Variants in BCAS3 observed in about 807,000 individuals in gnomAD.
The protein encoded by BCAS3 is BCAS4/BCAS3 fusion.
Under a neutral mutation model 116.1 loss-of-function variants are expected in BCAS3, and 53 were observed. That is an observed-to-expected ratio of 0.46 (90% CI 0.37 to 0.57). The LOEUF (loss-of-function observed/expected upper bound fraction) is 0.57. Among genes scored for constraint, BCAS3 ranks in the 20% least tolerant of loss-of-function variants. BCAS3 has a pLI of 0.00. For synonymous variants in BCAS3, 391 were observed against 408.2 expected, an observed-to-expected ratio of 0.96 and a Z score of 0.51; for missense variants, 917 against 1,165.4, an observed-to-expected ratio of 0.79 and a Z score of 3.10.
chr17:60,796,267 C>G (rs2047204793), intron 6 of BCAS3, among the ~76,000 whole-genome samples: 1 of 152,160 alleles, frequency 6.6e-6, no homozygotes, highest in South Asian at 2.1e-4. Flanking sequence ...GAGGGTTCCT[C>G]CTTTCTCTAT....
chr17:61,090,723 T>A (rs2073482888), intron 22 of BCAS3, among the ~76,000 whole-genome samples: 2 of 152,154 alleles, frequency 1.3e-5, no homozygotes, highest in African/African-American at 4.8e-5. Flanking sequence ...AGTGGCGTGA[T>A]CTTGGCTCAC....
intron 22 of BCAS3, among the ~76,000 whole-genome samples, chr17:61,283,742 C>T (rs9894641): frequency 0.015 from 2,313 of 152,142 alleles, 64 homozygotes; most frequent in African/African-American, 0.052. Context: ...CGTGAGCCAC[C>T]GCACTTGGCC....
At chr17:61,263,673 A>G (rs2049418800) in intron 22 of BCAS3, among the ~76,000 whole-genome samples, 1 of 152,242 alleles carries the variant, frequency 6.6e-6, no homozygotes, top group Non-Finnish European at 1.5e-5. Flanking sequence ...TTGAAGCAAC[A>G]GACCTATTAT....
At chr17:60,680,134 C>A (rs865955922) in intron 2 of BCAS3, among the ~76,000 whole-genome samples, 736 of 108,260 alleles carry the variant, frequency 6.8e-3, no homozygotes, top group African/African-American at 9.4e-3. Context: ...ACTCTGTCTC[C>A]AAAAAAAAAA....
chr17:61,213,686 A>G lies in BCAS3; in HGVS notation c.2425+129122A>G, dbSNP rs952687231. ...GCATGTTTTTTTAAGTAGTGAAAGA[A>G]GGTTGGAGGAGGACTGTACAGATGG... On this transcript the variant is annotated intron_variant, in intron 22 of 23. Coordinates refer to ENST00000407086, the MANE Select transcript of BCAS3 (RefSeq NM_017679.5). The surrounding 1 kb of genome is among the most constrained non-coding windows in gnomAD (Gnocchi z 5.4). 2.0e-5 allele frequency among the ~76,000 whole-genome samples: 3 copies of G among 152,042 alleles called. No individual in the cohort carries two copies. The highest frequency in any genetic ancestry group is 7.2e-5 in the African/African-American group (3 of 41,382).
At chr17:60,788,686 T>C (rs1225307860) in intron 6 of BCAS3, among the ~76,000 whole-genome samples, 1 of 152,160 alleles carries the variant, frequency 6.6e-6, no homozygotes, top group Non-Finnish European at 1.5e-5. Context: ...TATTTTCCTA[T>C]TTCTCCCTCT....
chr17:61,328,602 C>CA (rs1034418742), intron 22 of BCAS3, among the ~76,000 whole-genome samples: 1 of 152,066 alleles, frequency 6.6e-6, no homozygotes, highest in Non-Finnish European at 1.5e-5. Context: ...TCCGTCTCTA[C>CA]AAAAAATATA....
chr17:60,841,614 T>G (rs2051931407), intron 7 of BCAS3, among the ~76,000 whole-genome samples: 1 of 149,944 alleles, frequency 6.7e-6, no homozygotes, highest in South Asian at 2.1e-4. Flanking sequence ...TCTCCTGACC[T>G]CGTGATCCGC....
chr17:60,959,378 A>C (rs1466801514), intron 14 of BCAS3, among the ~76,000 whole-genome samples: 1 of 152,086 alleles, frequency 6.6e-6, no homozygotes, highest in Non-Finnish European at 1.5e-5. Flanking sequence ...ATTAAAGAAA[A>C]ATTGATAAAC....
At chr17:60,836,583 A>G (rs958487781) in intron 7 of BCAS3, among the ~76,000 whole-genome samples, 3 of 152,182 alleles carry the variant, frequency 2.0e-5, no homozygotes, top group Non-Finnish European at 4.4e-5. Flanking sequence ...AAGGTTTAGT[A>G]AGCAATTATT....
intron 22 of BCAS3, among the ~76,000 whole-genome samples, chr17:61,152,529 T>C (rs984835597): frequency 1.1e-4 from 16 of 152,082 alleles, no homozygotes; most frequent in Non-Finnish European, 1.9e-4. Flanking sequence ...CCTATTTTTC[T>C]AGAAAAGGGT....
At chr17:61,025,782 G>A (rs12051629) in intron 16 of BCAS3, among the ~76,000 whole-genome samples, 15,357 of 151,760 alleles carry the variant, frequency 0.1, 2,323 homozygotes, top group African/African-American at 0.34. Context: ...TATCTCTTGC[G>A]TGTCTCTGTT....
chr17:60,888,556 T>C (rs1313761533), intron 9 of BCAS3, among the ~76,000 whole-genome samples: 1 of 152,212 alleles, frequency 6.6e-6, no homozygotes, highest in Non-Finnish European at 1.5e-5. Flanking sequence ...TAATCTATTG[T>C]GTAAATACTA....
intron 13 of BCAS3, 144 bp from the exon 14 acceptor site, chr17:60,947,075 A>AT (rs993605348): frequency 9.2e-6 from 7 of 763,630 alleles, no homozygotes; most frequent in Non-Finnish European, 1.4e-5. Context: ...AAGATATTTT[A>AT]TTTTTTTCTT....
rs1017049037 is a variant in BCAS3, at chr17:61,279,359, C to T, written c.2426-88968C>T. Among the ~76,000 whole-genome samples, 18 of 151,924 alleles carry T rather than the reference C, an allele frequency of 1.2e-4. No individual in the cohort carries two copies. The highest frequency in any genetic ancestry group is 7.4e-5 in the Non-Finnish European group (5 of 67,990). On this transcript the variant is annotated intron_variant, in intron 22 of 23. Transcript: ENST00000407086. The surrounding 1 kb of genome is among the most constrained non-coding windows in gnomAD (Gnocchi z 4.4). Reference sequence around the variant, plus strand: ...ACACACCTAATAGAACAGAAGCTCTCGCTTCTTTCTTCTCTTTCCATCAGT... The same window carrying T: ...ACACACCTAATAGAACAGAAGCTCTTGCTTCTTTCTTCTCTTTCCATCAGT...
chr17:60,871,612 T>G (rs1376001453), intron 8 of BCAS3, among the ~76,000 whole-genome samples: 11 of 151,590 alleles, frequency 7.3e-5, no homozygotes, highest in African/African-American at 1.2e-4. Context: ...TTTTGTTTTT[T>G]TTTTTTTTGC....
intron 6 of BCAS3, among the ~76,000 whole-genome samples, chr17:60,799,324 A>C (rs769242609): frequency 3.3e-5 from 5 of 152,084 alleles, no homozygotes; most frequent in Non-Finnish European, 5.9e-5. Flanking sequence ...GTGTGTACAT[A>C]ATTCCATGCC....
intron 7 of BCAS3, among the ~76,000 whole-genome samples, chr17:60,827,411 CTT>C (rs2050526607): frequency 1.3e-5 from 2 of 152,194 alleles, no homozygotes; most frequent in Non-Finnish European, 2.9e-5. Flanking sequence ...CTGTACCCAG[CTT>C]ATCTGGTGCT....
At chr17:60,853,378 T>C (rs181848880) in intron 7 of BCAS3, among the ~76,000 whole-genome samples, 23 of 152,356 alleles carry the variant, frequency 1.5e-4, no homozygotes, top group African/African-American at 5.3e-4. Context: ...AATTTAGTGG[T>C]GAACTGTACA....
Sources: gnomAD v4.1 joint callset for allele counts (sites outside exome capture counted in the v4.1 genomes callset) on GRCh38, gnomAD v4.1.1 for gene constraint, Gnocchi (gnomAD v3.1) non-coding constraint, MANE v1.5 for transcripts, NCBI Gene and HGNC (gene_info 2026-07-23, HGNC 2026-07-21) for gene names.